The following CACNA1A variants were observed in gnomAD, a reference collection of about 807,000 sequenced individuals.
CACNA1A encodes calcium voltage-gated channel subunit alpha1 A.
Under a neutral mutation model 262.4 loss-of-function variants are expected in CACNA1A, and 57 were observed. The observed-to-expected ratio is 0.22, with a 90% confidence interval of 0.18 to 0.27. CACNA1A has a LOEUF of 0.27. Ranked by LOEUF, CACNA1A falls within the 10% of genes least tolerant of loss-of-function variation. CACNA1A has a pLI of 1.00. For synonymous variants in CACNA1A, 1,431 were observed against 1,419.3 expected, an observed-to-expected ratio of 1.01 and a Z score of -0.18; for missense variants, 2,526 against 3,562.8, an observed-to-expected ratio of 0.71 and a Z score of 7.41.
intron 3 of CACNA1A, among the ~76,000 whole-genome samples, chr19:13,387,980 G>A (rs62111202): frequency 0.17 from 26,055 of 152,108 alleles, 2,505 homozygotes; most frequent in East Asian, 0.39. Flanking sequence ...AAGGAGAGGA[G>A]ACAGGAGAGT....
At chr19:13,252,387 C>T (rs1169561986) in intron 30 of CACNA1A, 1 of 151,562 alleles carries the variant, frequency 6.6e-6, no homozygotes, top group Non-Finnish European at 1.5e-5. Context: ...TTTCAGTTTT[C>T]TTTCTTTCTT....
rs2056312531 is a variant in CACNA1A at position 13,248,543 on chromosome 19, C to T, written c.4867-3278G>A. On this transcript the variant is annotated intron_variant, in intron 30 of 46. Coordinates refer to ENST00000360228, the MANE Select transcript of CACNA1A (RefSeq NM_001127222.2). ...TCACTTCACCAGCAGAAGATCAACT[C>T]AGAATAAAATAACTGCAGGCTAGGT... 2.0e-5 allele frequency among the ~76,000 whole-genome samples: 3 copies of T among 151,146 alleles called. No homozygotes were observed. The South Asian group carries it at 6.3e-4, about 32-fold the overall frequency.
At chr19:13,468,143 CAA>C (rs2061287719) in intron 1 of CACNA1A, among the ~76,000 whole-genome samples, 1 of 151,084 alleles carries the variant, frequency 6.6e-6, no homozygotes, top group African/African-American at 2.4e-5. Flanking sequence ...AAAGAAAAAA[CAA>C]AACAACAAGC....
rs1421833558 is a variant in CACNA1A, at chr19:13,506,262, G to A, written c.-38C>T. On this transcript the variant is annotated 5_prime_UTR_variant, in exon 1 of 47. Transcript: ENST00000360228. Reference sequence around the variant, plus strand: ...AAAGGGCTCCGGGTTACGCTGCGGCGAACGATGCGGAAGACGCCGCCGCCG... The same window carrying A: ...AAAGGGCTCCGGGTTACGCTGCGGCAAACGATGCGGAAGACGCCGCCGCCG... 7.1e-7 allele frequency: 1 copy of A among 1,407,638 alleles called. No homozygotes were observed. The highest frequency in any genetic ancestry group is 2.6e-4 in the Middle Eastern group (1 of 3,890). The allele number at this position is 1,407,638 out of a possible 1,614,324, so 87.2% of individuals were successfully genotyped here.
At chr19:13,388,006 T>A (rs1206049054) in intron 3 of CACNA1A, among the ~76,000 whole-genome samples, 1 of 152,000 alleles carries the variant, frequency 6.6e-6, no homozygotes, top group African/African-American at 2.4e-5. Context: ...GATGTTAGCA[T>A]GGTTAGAAAG....
At chr19:13,368,485 A>G (rs1407097884) in intron 4 of CACNA1A, among the ~76,000 whole-genome samples, 2 of 152,030 alleles carry the variant, frequency 1.3e-5, no homozygotes, top group Admixed American at 6.5e-5. Context: ...GGCACACTTC[A>G]CCATACCTGG....
At position 13,234,974 on chromosome 19, in the gene CACNA1A, G is replaced by A. The variant is rs761243514; in HGVS notation, c.5196C>T (p.Ile1732=). ...DEDSDEDEFQ[I]TEHNNFRTFF... ...AGGTCCGGAAGTTATTGTGCTCAGT[G>A]ATTTGGAACTCATCTTCATCACTGT... The change falls in exon 34 of 47, where the codon ATC becomes ATT. Residue 1732 remains isoleucine (I), a synonymous_variant. Transcript: ENST00000360228. 5.0e-6 allele frequency: 8 copies of A among 1,613,946 alleles called. No individual in the cohort carries two copies. The South Asian group carries it at 8.8e-5, about 18-fold the overall frequency.
chr19:13,297,853 G>C (rs1320810657), intron 19 of CACNA1A, among the ~76,000 whole-genome samples: 2 of 151,438 alleles, frequency 1.3e-5, no homozygotes, highest in Admixed American at 6.6e-5. Flanking sequence ...TTGAGACAGA[G>C]TCTTGCTCTG....
At chr19:13,334,299 T>C in intron 8 of CACNA1A, 79 bp downstream of exon 8, 1 of 825,820 alleles carries the variant, frequency 1.2e-6, no homozygotes, top group Non-Finnish European at 2.1e-6. Context: ...CAGCTTAGCC[T>C]TCTCCAAACT....
chr19:13,251,874 C>A (rs1208579412), intron 30 of CACNA1A, among the ~76,000 whole-genome samples: 1 of 152,024 alleles, frequency 6.6e-6, no homozygotes, highest in Non-Finnish European at 1.5e-5. Context: ...AAGCGATTCT[C>A]CTGCCTCAGC....
At chr19:13,461,327 G>A (rs188479678) in intron 1 of CACNA1A, among the ~76,000 whole-genome samples, 5 of 147,414 alleles carry the variant, frequency 3.4e-5, no homozygotes, top group Admixed American at 6.9e-5. Flanking sequence ...ACAACAGAAC[G>A]AGACTCCGTC....
Position 13,340,755 on chromosome 19 carries a change from T to C in CACNA1A, c.979-4846A>G, listed in dbSNP as rs374003201. ...AGGTCAAGTTACATGCCCACAGTTC[T>C]GTTGTGGGTTGCAGTGGGTCTCTCC... is the stretch of plus-strand genomic sequence containing the variant. On this transcript the variant is annotated intron_variant, in intron 6 of 46. Coordinates refer to ENST00000360228, the MANE Select transcript of CACNA1A (RefSeq NM_001127222.2). Among the ~76,000 whole-genome samples the C allele has an allele frequency of 5.9e-5, 9 of 152,282 alleles. No individual in the cohort carries two copies. In the South Asian group the frequency reaches 1.2e-3, roughly 21 times the overall value.
chr19:13,436,026 T>C (rs1417799704), intron 3 of CACNA1A, among the ~76,000 whole-genome samples: 1 of 152,160 alleles, frequency 6.6e-6, no homozygotes, highest in Admixed American at 6.5e-5. Flanking sequence ...GATTTCATGA[T>C]GTTGGCTACG....
At chr19:13,267,164 AAGAT>A (rs1029615781) in intron 24 of CACNA1A, among the ~76,000 whole-genome samples, 11 of 151,882 alleles carry the variant, frequency 7.2e-5, no homozygotes, top group African/African-American at 2.4e-4. Flanking sequence ...GAGAGAGAGA[AAGAT>A]AGAGAGAGAC....
At position 13,303,786 on chromosome 19, in the gene CACNA1A, T is replaced by A; in HGVS notation, c.2085A>T (p.Val695=). ...GGATACAGTTCCCAAAGAGCGTCAG[T>A]ACAATGAAATAGATGGAGAACACCA... ...GGMVFSIYFI[V]LTLFGNYTLL... is the part of the protein sequence containing the mutation. The change falls in exon 16 of 47, where the codon GTA becomes GTT. Residue 695 remains valine (V), a synonymous_variant. Transcript: ENST00000360228. 1 of 1,611,886 alleles carries A rather than the reference T, an allele frequency of 6.2e-7. No homozygotes were observed.
At chr19:13,445,264 G>C (rs750245202) in intron 3 of CACNA1A, among the ~76,000 whole-genome samples, 1 of 152,104 alleles carries the variant, frequency 6.6e-6, no homozygotes, top group Non-Finnish European at 1.5e-5. Flanking sequence ...CAAAGCCTGA[G>C]ACAGTTTATA....
chr19:13,482,474 C>T (rs1354897846), intron 1 of CACNA1A, among the ~76,000 whole-genome samples: 4 of 129,368 alleles, frequency 3.1e-5, no homozygotes, highest in Non-Finnish European at 6.9e-5. Flanking sequence ...CAGAGTGAGA[C>T]TCCGTCTCAA....
At chr19:13,499,737 G>A (rs563297684) in intron 1 of CACNA1A, among the ~76,000 whole-genome samples, 2 of 152,258 alleles carry the variant, frequency 1.3e-5, no homozygotes, top group East Asian at 3.9e-4. Flanking sequence ...GTGAACCTGG[G>A]CCAGTCTGAC....
Position 13,376,378 on chromosome 19 carries a change from T to C in CACNA1A, c.540-4599A>G, listed in dbSNP as rs533787418. On this transcript the variant is annotated intron_variant, in intron 3 of 46. Transcript: ENST00000360228. ...CCTGGTGACTTTAAGTTGAAACCAA[T>C]GCTCACTTACCATTCCTAAAGTCCT... Among the ~76,000 whole-genome samples, 180 of 152,202 alleles carry C rather than the reference T, an allele frequency of 1.2e-3. 1 individual carries two copies. The highest frequency in any genetic ancestry group is 1.0e-4 in the Non-Finnish European group (7 of 68,002).
Sources: allele counts gnomAD v4.1 joint callset (sites outside exome capture counted in the v4.1 genomes callset), GRCh38; gene constraint gnomAD v4.1.1; transcripts MANE v1.5; gene names NCBI Gene and HGNC (gene_info 2026-07-23, HGNC 2026-07-21).